The following BAZ2B variants were observed in gnomAD, a reference collection of about 807,000 sequenced individuals.
BAZ2B encodes the protein bromodomain adjacent to zinc finger domain protein 2B.
A neutral mutation model predicts 246.0 loss-of-function variants in BAZ2B; 91 were observed. The ratio of observed to expected loss-of-function variants is 0.37; its 90% CI spans 0.31 to 0.44. The LOEUF (loss-of-function observed/expected upper bound fraction) is 0.44, where lower values mean the gene tolerates loss of function less well. BAZ2B is among the 20% of genes least tolerant of loss of function. The pLI is 1.00. For synonymous variants in BAZ2B, 855 were observed against 860.0 expected (o/e 0.99, Z 0.10); for missense variants, 2,332 against 2,533.7 (o/e 0.92, Z 1.71).
rs1696120552 is a variant in BAZ2B, at chr2:159,616,455, A to T, written c.-259T>A. 1 of 152,178 alleles carries T rather than the reference A, an allele frequency of 6.6e-6. No homozygotes were observed. Among genetic ancestry groups the T allele is most frequent in the Non-Finnish European group, 1.5e-5 (1 of 68,042 alleles). The allele number at this position is 152,178 out of a possible 1,614,324, so 9.4% of individuals were successfully genotyped here. A position where few individuals can be genotyped will look rare whatever the true frequency, so the allele number is the denominator to read the frequency against. ...GTCTTCCGCCTCTCTCTCTCTGATT[A>T]GTTCCTATCCAGCAGCAGATTGAAG... On this transcript the variant is annotated 5_prime_UTR_variant, in exon 1 of 37. An upstream open reading frame in the 5' UTR loses its in-frame stop. Coordinates refer to ENST00000392783, the MANE Select transcript of BAZ2B (RefSeq NM_013450.4).
the BAZ2B span, among the ~76,000 whole-genome samples, chr2:159,704,235 T>C: frequency 2.0e-5 from 3 of 152,192 alleles, no homozygotes; most frequent in Admixed American, 6.5e-5. Context: ...TATTATGATA[T>C]ACAAAAGTAC....
the BAZ2B span, among the ~76,000 whole-genome samples, chr2:159,664,918 T>C: frequency 1.3e-5 from 2 of 151,548 alleles, no homozygotes; most frequent in Admixed American, 1.3e-4. Flanking sequence ...TTTGTTGCCA[T>C]TGCTTTTGGT....
chr2:159,451,004 G>A (rs538003993), intron 4 of BAZ2B, among the ~76,000 whole-genome samples: 40 of 152,176 alleles, frequency 2.6e-4, no homozygotes, highest in African/African-American at 8.7e-4. Context: ...TTATAGGCAC[G>A]AGGCACCATG....
At chr2:159,564,836 T>A (rs1276234458) in intron 1 of BAZ2B, among the ~76,000 whole-genome samples, 1 of 152,140 alleles carries the variant, frequency 6.6e-6, no homozygotes, top group East Asian at 1.9e-4. Context: ...GAAAACAACA[T>A]GAGGACTGAG....
chr2:159,344,242 T>C (rs897179174), intron 31 of BAZ2B, among the ~76,000 whole-genome samples: 10 of 151,652 alleles, frequency 6.6e-5, no homozygotes, highest in Non-Finnish European at 1.2e-4. Context: ...AATTGTCGTA[T>C]TGAAAAGACA....
rs200660804 is a variant in BAZ2B, at chr2:159,393,884, C to T, written c.3075+1885G>A. 4.6e-5 allele frequency among the ~76,000 whole-genome samples: 7 copies of T among 152,274 alleles called. No individual in the cohort carries two copies. In the East Asian group the frequency reaches 1.2e-3, roughly 25 times the overall value. On this transcript the variant is annotated intron_variant, in intron 20 of 36. Coordinates refer to ENST00000392783, the MANE Select transcript of BAZ2B (RefSeq NM_013450.4). ...TCTCTGCAGCAGCTTCCCCCACTCTCCCCAGGCCCTAGTGGGCAAATATGA... is the reference window on the plus strand; with the variant it reads ...TCTCTGCAGCAGCTTCCCCCACTCTTCCCAGGCCCTAGTGGGCAAATATGA...
rs2062147706 is a variant in BAZ2B, at chr2:159,382,784, A to C, written c.3780T>G (p.Ala1260=). ...GKLRKLRIIH[A]KKTGKRDTSG... ...AAGTGTCTCTTTTGCCTGTTTTCTT[A>C]GCATGAATGATTCTGAGCCTTTAAA... The change falls in exon 25 of 37, where the codon GCT becomes GCG. Residue 1260 remains alanine (A), a synonymous_variant. Transcript: ENST00000392783. The C allele has an allele frequency of 4.3e-6, 7 of 1,613,496 alleles. No individual in the cohort carries two copies. The South Asian group carries it at 6.6e-5, about 15-fold the overall frequency.
chr2:159,549,217 G>C (rs920208308), intron 2 of BAZ2B, among the ~76,000 whole-genome samples: 10 of 152,144 alleles, frequency 6.6e-5, no homozygotes, highest in African/African-American at 2.4e-4. Flanking sequence ...GGAGGCGGAG[G>C]CTGCAGTGAG....
chr2:159,691,543 T>C, the BAZ2B span, among the ~76,000 whole-genome samples: 1 of 152,172 alleles, frequency 6.6e-6, no homozygotes, highest in East Asian at 1.9e-4. Flanking sequence ...GTTTACAAGA[T>C]TGTTTACAGA....
At chr2:159,596,088 T>A (rs1287530270) in intron 1 of BAZ2B, among the ~76,000 whole-genome samples, 1 of 152,184 alleles carries the variant, frequency 6.6e-6, no homozygotes, top group Non-Finnish European at 1.5e-5. Flanking sequence ...GAATCACAGC[T>A]CGGTATGTGC....
intron 2 of BAZ2B, among the ~76,000 whole-genome samples, chr2:159,506,622 T>C (rs1228947631): frequency 6.6e-6 from 1 of 152,200 alleles, no homozygotes; most frequent in Non-Finnish European, 1.5e-5. Context: ...AAGATTACTA[T>C]GAATACTTCA....
chr2:159,431,286 G>T, intron 9 of BAZ2B, 130 bp from the exon 10 acceptor site: 2 of 1,311,272 alleles, frequency 1.5e-6, no homozygotes, highest in Non-Finnish European at 1.0e-6. Flanking sequence ...TTTTCCTACA[G>T]AGTAAATGTT....
the BAZ2B span, among the ~76,000 whole-genome samples, chr2:159,701,406 T>C: frequency 6.6e-6 from 1 of 151,838 alleles, no homozygotes; most frequent in Admixed American, 6.6e-5. Flanking sequence ...TAGGAGTATA[T>C]AGTCTCATTC....
chr2:159,631,622 T>C, the BAZ2B span, among the ~76,000 whole-genome samples: 3 of 152,328 alleles, frequency 2.0e-5, no homozygotes, highest in Admixed American at 6.5e-5. Context: ...GTGGCTCCCA[T>C]TGGCCAAAGA....
At chr2:159,603,612 A>G (rs1559883739) in intron 1 of BAZ2B, among the ~76,000 whole-genome samples, 1 of 152,144 alleles carries the variant, frequency 6.6e-6, no homozygotes, top group Admixed American at 6.6e-5. Context: ...CTGTTAAAAA[A>G]AAATCATCTT....
chr2:159,436,643 C>T (rs144731252), intron 8 of BAZ2B, among the ~76,000 whole-genome samples: 10 of 152,128 alleles, frequency 6.6e-5, no homozygotes, highest in East Asian at 3.9e-4. Flanking sequence ...CCCAGCTACT[C>T]GGGAGGCTGA....
At chr2:159,656,256 C>T in the BAZ2B span, among the ~76,000 whole-genome samples, 1,143 of 151,798 alleles carry the variant, frequency 7.5e-3, 43 homozygotes, top group East Asian at 0.11. Flanking sequence ...CCATATAAAC[C>T]CTCAAATCTC....
the BAZ2B span, among the ~76,000 whole-genome samples, chr2:159,656,157 G>T: frequency 6.6e-6 from 1 of 152,098 alleles, no homozygotes; most frequent in Non-Finnish European, 1.5e-5. Flanking sequence ...TGTAGCTACT[G>T]ATGTCTCTGA....
At chr2:159,672,160 G>A in the BAZ2B span, among the ~76,000 whole-genome samples, 1 of 151,998 alleles carries the variant, frequency 6.6e-6, no homozygotes, top group Non-Finnish European at 1.5e-5. Context: ...TAGTTTTCTA[G>A]TTGCAACAAA....
Sources: allele counts gnomAD v4.1 joint callset (sites outside exome capture counted in the v4.1 genomes callset), GRCh38; gene constraint gnomAD v4.1.1; transcripts MANE v1.5; gene names NCBI Gene and HGNC (gene_info 2026-07-23, HGNC 2026-07-21).